The following GPR139 variants were observed in gnomAD, a reference collection of about 807,000 sequenced individuals.
GPR139 encodes the protein probable G protein-coupled receptor 139.
In GPR139, 12 loss-of-function variants were observed where a neutral mutation model predicts 25.8. The ratio of observed to expected loss-of-function variants is 0.47; its 90% confidence interval spans 0.30 to 0.75. The LOEUF is 0.75. Ranked by LOEUF, GPR139 falls within the 30% of genes least tolerant of loss-of-function variation. The pLI is 0.07. For synonymous variants in GPR139, 184 were observed against 179.9 expected (o/e 1.02, Z -0.18); for missense variants, 380 against 450.2 (o/e 0.84, Z 1.41).
intron 1 of GPR139, among the ~76,000 whole-genome samples, chr16:20,058,517 T>C (rs553361596): frequency 2.6e-5 from 4 of 152,210 alleles, no homozygotes; most frequent in Non-Finnish European, 5.9e-5. Context: ...CATCCTTCTC[T>C]GGCCTGAAGG....
At chr16:20,071,106 A>T (rs1036081690) in intron 1 of GPR139, 42 of 487,300 alleles carry the variant, frequency 8.6e-5, no homozygotes, top group Non-Finnish European at 1.1e-4. Flanking sequence ...CTGCAGCAAC[A>T]TCCTTACTTC....
At position 20,028,986 on chromosome 16, in the gene GPR139, C is replaced by T. The variant is rs1023369293; in HGVS notation, c.*2749G>A. 6.6e-6 allele frequency among the ~76,000 whole-genome samples: 1 copy of T among 151,880 alleles called. No individual in the cohort carries two copies. Among genetic ancestry groups the T allele is most frequent in the African/African-American group, 2.4e-5 (1 of 41,350 alleles). On this transcript the variant is annotated 3_prime_UTR_variant, in exon 2 of 2. Coordinates refer to ENST00000570682, the MANE Select transcript of GPR139 (RefSeq NM_001002911.4). ...TTAAAGTTTTAAAGTTAAAAAAAAC[C>T]CATTTCATGATGTCCATAATTATTA... is the stretch of plus-strand genomic sequence containing the variant.
At chr16:20,071,990 C>T (rs529824598) in intron 1 of GPR139, among the ~76,000 whole-genome samples, 1 of 152,230 alleles carries the variant, frequency 6.6e-6, no homozygotes, top group African/African-American at 2.4e-5. Flanking sequence ...GTTCAGCAAG[C>T]ATCATCAAAT....
intron 1 of GPR139, among the ~76,000 whole-genome samples, chr16:20,067,359 G>T (rs996446350): frequency 6.6e-6 from 1 of 152,112 alleles, no homozygotes; most frequent in Non-Finnish European, 1.5e-5. Context: ...ACTCGGCCAA[G>T]GTCACACAGT....
In GPR139 at chr16:20,041,250, GGGAAGGAGAAAAGAA is replaced by G. The variant is rs1204393117; in HGVS notation, c.128-8596_128-8582del. 4.0e-4 allele frequency among the ~76,000 whole-genome samples: 4 copies of G among 9,944 alleles called. 2 individuals are homozygous for G. The highest frequency in any genetic ancestry group is 6.2e-4 in the Non-Finnish European group (2 of 3,202). 6.5% of individuals were successfully genotyped at this position (9,944 alleles called of 152,430 possible). Reference sequence around the variant, plus strand: ...GGAGAGGAGAGGAGAGGAGAGGAGAGGGAAGGAGAAAAGAAAAGCATCTCTCTCTGACAAAGTTGC... The same window carrying G: ...GGAGAGGAGAGGAGAGGAGAGGAGAGAAGCATCTCTCTCTGACAAAGTTGC... On this transcript the variant is annotated intron_variant, in intron 1 of 1. Transcript: ENST00000570682.
chr16:20,071,930 G>A (rs1169898459), intron 1 of GPR139, among the ~76,000 whole-genome samples: 2 of 152,088 alleles, frequency 1.3e-5, no homozygotes, highest in Non-Finnish European at 2.9e-5. Context: ...TTGTTGGGGG[G>A]ACATTCTGAT....
chr16:20,059,151 A>G (rs1245197428), intron 1 of GPR139, among the ~76,000 whole-genome samples: 1 of 152,170 alleles, frequency 6.6e-6, no homozygotes, highest in African/African-American at 2.4e-5. Flanking sequence ...CCCAGCACCC[A>G]TTAGAACCTC....
At chr16:20,033,515 C>T (rs529587473) in intron 1 of GPR139, among the ~76,000 whole-genome samples, 4 of 152,232 alleles carry the variant, frequency 2.6e-5, no homozygotes, top group Non-Finnish European at 5.9e-5. Context: ...GCATTTCCTG[C>T]TATATGTGTT....
At chr16:20,046,612 T>G (rs1249131327) in intron 1 of GPR139, among the ~76,000 whole-genome samples, 1 of 152,162 alleles carries the variant, frequency 6.6e-6, no homozygotes, top group Non-Finnish European at 1.5e-5. Context: ...GACATTTTCT[T>G]GGGCACTTGG....
chr16:20,032,623 T>C lies in GPR139; in HGVS notation c.174A>G (p.Arg58=), dbSNP rs945106553. 3 of 1,611,156 alleles carry C rather than the reference T, an allele frequency of 1.9e-6. No individual in the cohort carries two copies. The highest frequency in any genetic ancestry group is 3.3e-5 in the Admixed American group (2 of 59,998). ...VIILSQLVAR[R]QKSSYNYLLA... is the part of the protein sequence containing the mutation. ...AGAGATAGTTGTAGGAGGACTTCTG[T>C]CTTCTTGCCACCAGCTGGGAGAGGA... Residue 58 remains arginine, a synonymous_variant, in exon 2 of 2, where the codon AGA becomes AGG. Coordinates refer to ENST00000570682, the MANE Select transcript of GPR139 (RefSeq NM_001002911.4).
Position 20,029,513 on chromosome 16 carries a change from G to A in GPR139, c.*2222C>T, listed in dbSNP as rs1045884859. 4.0e-5 allele frequency among the ~76,000 whole-genome samples: 6 copies of A among 150,688 alleles called. No individual in the cohort carries two copies. In the South Asian group the frequency reaches 1.3e-3, roughly 32 times the overall value. On this transcript the variant is annotated 3_prime_UTR_variant, in exon 2 of 2. Transcript: ENST00000570682. Reference sequence around the variant, plus strand: ...TATATATATATATATATTCAGTATAGGTAGCCTTTGGTCAATGTCCATTCA... The same window carrying A: ...TATATATATATATATATTCAGTATAAGTAGCCTTTGGTCAATGTCCATTCA...
chr16:20,049,954 G>A (rs1332714678), intron 1 of GPR139, among the ~76,000 whole-genome samples: 1 of 152,200 alleles, frequency 6.6e-6, no homozygotes, highest in Non-Finnish European at 1.5e-5. Context: ...GCCCACTCAG[G>A]CCAGCTTCCT....
At position 20,073,118 on chromosome 16, in the gene GPR139, C is replaced by A. The variant is rs2141218260; in HGVS notation, c.127+372G>T. On this transcript the variant is annotated intron_variant, in intron 1 of 1. Coordinates refer to ENST00000570682, the MANE Select transcript of GPR139 (RefSeq NM_001002911.4). This position sits in a 1 kb window ranked among gnomAD's most constrained non-coding sequence, Gnocchi z 4.7. Reference sequence around the variant, plus strand: ...CCTCCACGAAGCCTTCTGTCCAGAACATGCAGTCAAGCCAAACACACACAA... The same window carrying A: ...CCTCCACGAAGCCTTCTGTCCAGAAAATGCAGTCAAGCCAAACACACACAA... Among the ~76,000 whole-genome samples the A allele has an allele frequency of 6.6e-6, 1 of 152,254 alleles. No homozygotes were observed. Among genetic ancestry groups the A allele is most frequent in the South Asian group, 2.1e-4 (1 of 4,824 alleles).
chr16:20,041,275 T>G (rs1157970898), intron 1 of GPR139, among the ~76,000 whole-genome samples: 1 of 130,248 alleles, frequency 7.7e-6, no homozygotes, highest in Non-Finnish European at 1.6e-5. Context: ...AAAGCATCTC[T>G]CTCTGACAAA....
At chr16:20,037,923 C>A (rs905449038) in intron 1 of GPR139, among the ~76,000 whole-genome samples, 4 of 152,124 alleles carry the variant, frequency 2.6e-5, no homozygotes, top group Admixed American at 6.5e-5. Flanking sequence ...TGCAATGATG[C>A]GATCTCGGCT....
At chr16:20,039,028 G>A (rs971012609) in intron 1 of GPR139, among the ~76,000 whole-genome samples, 14 of 152,122 alleles carry the variant, frequency 9.2e-5, no homozygotes, top group Admixed American at 6.6e-4. Context: ...AAGCCCCGCC[G>A]AACTTCACCA....
intron 1 of GPR139, among the ~76,000 whole-genome samples, chr16:20,045,720 T>C (rs2057352194): frequency 6.6e-6 from 1 of 152,076 alleles, no homozygotes; most frequent in Non-Finnish European, 1.5e-5. Context: ...TCTGGGGAGC[T>C]AATCACCTCC....
intron 1 of GPR139, among the ~76,000 whole-genome samples, chr16:20,063,956 A>G (rs2057422839): frequency 1.3e-5 from 2 of 152,208 alleles, no homozygotes; most frequent in African/African-American, 2.4e-5. Context: ...ACTTACAATC[A>G]TGGTGGAAGG....
chr16:20,037,144 G>T (rs111983992), intron 1 of GPR139, among the ~76,000 whole-genome samples: 1,802 of 152,178 alleles, frequency 0.012, 27 homozygotes, highest in African/African-American at 0.041. Context: ...CGATATTTCG[G>T]TCCAATCAAG....
Sources: gnomAD v4.1 joint callset for allele counts (sites outside exome capture counted in the v4.1 genomes callset) on GRCh38, gnomAD v4.1.1 for gene constraint, Gnocchi (gnomAD v3.1) non-coding constraint, MANE v1.5 for transcripts, NCBI Gene and HGNC (gene_info 2026-07-23, HGNC 2026-07-21) for gene names.